NKAIN3: variants seen among roughly 807,000 people sequenced by gnomAD.
NKAIN3 encodes sodium/potassium-transporting ATPase subunit beta-1-interacting protein 3.
Under a neutral mutation model 30.2 loss-of-function variants are expected in NKAIN3, and 25 were observed. That is an observed-to-expected ratio of 0.83 (90% CI 0.60 to 1.16). The LOEUF (loss-of-function observed/expected upper bound fraction) is 1.16. Ranked by LOEUF, NKAIN3 falls within the 50% of genes most tolerant of loss-of-function variation. The pLI, the probability that NKAIN3 is intolerant of heterozygous loss-of-function variation, is 0.00. For missense variants in NKAIN3, 225 were observed against 254.1 expected (o/e 0.89, Z 0.78); for synonymous variants, 91 against 89.6 (o/e 1.02, Z -0.09).
chr8:62,334,552 C>G (rs1815469467), intron 1 of NKAIN3, among the ~76,000 whole-genome samples: 1 of 152,100 alleles, frequency 6.6e-6, no homozygotes, highest in Non-Finnish European at 1.5e-5. Context: ...CATACGTTTC[C>G]TAACTCAATG....
At chr8:62,525,892 A>G (rs1808291272) in intron 1 of NKAIN3, among the ~76,000 whole-genome samples, 1 of 152,220 alleles carries the variant, frequency 6.6e-6, no homozygotes, top group Non-Finnish European at 1.5e-5. Flanking sequence ...GCTATTTTAT[A>G]GAACCATGAT....
intron 1 of NKAIN3, among the ~76,000 whole-genome samples, chr8:62,538,779 A>G (rs778024367): frequency 9.9e-5 from 15 of 152,268 alleles, no homozygotes; most frequent in Non-Finnish European, 1.9e-4. Flanking sequence ...CTTTTTCCAC[A>G]ACGAGTTTTT....
At position 62,968,163 on chromosome 8, in the gene NKAIN3, T is replaced by C. The variant is rs76850106; in HGVS notation, c.*2756T>C. Among the ~76,000 whole-genome samples the C allele has an allele frequency of 0.017, 2,617 of 152,304 alleles. 78 individuals carry two copies. The highest frequency in any genetic ancestry group is 0.06 in the African/African-American group (2,494 of 41,566). ...TGATCTGCCACCTCCTCTTCTCTCT[T>C]TTCTTCTCCCTGCCTTTCATCTTCC... is the stretch of plus-strand genomic sequence containing the variant. On this transcript the variant is annotated 3_prime_UTR_variant, in exon 7 of 7. Coordinates refer to ENST00000623646, the MANE Select transcript of NKAIN3 (RefSeq NM_001304533.3).
At chr8:62,708,506 G>T (rs1814609556) in intron 3 of NKAIN3, among the ~76,000 whole-genome samples, 1 of 152,070 alleles carries the variant, frequency 6.6e-6, no homozygotes, top group South Asian at 2.1e-4. Flanking sequence ...TTGACTTCTT[G>T]ATTTGAGTCT....
chr8:62,534,536 C>T (rs1188200868), intron 1 of NKAIN3, among the ~76,000 whole-genome samples: 4 of 152,156 alleles, frequency 2.6e-5, no homozygotes, highest in Admixed American at 2.6e-4. Flanking sequence ...CACCTGTGAA[C>T]TGTAAAACGC....
intron 3 of NKAIN3, among the ~76,000 whole-genome samples, chr8:62,710,180 A>C (rs1814669277): frequency 6.6e-6 from 1 of 152,086 alleles, no homozygotes. Flanking sequence ...GTGCTGTTGA[A>C]TGGAATGTGT....
At chr8:62,337,922 A>G (rs572269319) in intron 1 of NKAIN3, among the ~76,000 whole-genome samples, 4 of 152,220 alleles carry the variant, frequency 2.6e-5, no homozygotes, top group Non-Finnish European at 2.9e-5. Flanking sequence ...CTGTTGCACA[A>G]TAAGTTATTG....
intron 3 of NKAIN3, among the ~76,000 whole-genome samples, chr8:62,685,296 A>G (rs1813763840): frequency 6.6e-6 from 1 of 152,180 alleles, no homozygotes. Flanking sequence ...ATTGGTCTCT[A>G]TTATTATGTC....
intron 4 of NKAIN3, chr8:62,863,121 A>G: frequency 7.1e-7 from 1 of 1,412,182 alleles, no homozygotes; most frequent in Non-Finnish European, 9.9e-7. Context: ...GCTCATTGGA[A>G]GGTGCAGCTG....
At chr8:62,555,705 A>G (rs554590325) in intron 1 of NKAIN3, among the ~76,000 whole-genome samples, 132 of 152,226 alleles carry the variant, frequency 8.7e-4, no homozygotes, top group African/African-American at 3.0e-3. Flanking sequence ...AATGAAAAGC[A>G]ACAATCATCA....
At chr8:62,715,062 C>T (rs1481953386) in intron 3 of NKAIN3, among the ~76,000 whole-genome samples, 1 of 152,024 alleles carries the variant, frequency 6.6e-6, no homozygotes, top group Non-Finnish European at 1.5e-5. Flanking sequence ...AATGGGGAAG[C>T]AGGTACATTA....
intron 4 of NKAIN3, among the ~76,000 whole-genome samples, chr8:62,803,889 A>T (rs1165950450): frequency 1.3e-5 from 2 of 152,122 alleles, no homozygotes; most frequent in Non-Finnish European, 2.9e-5. Context: ...AGAAGAAAAG[A>T]AAGAAGAATC....
chr8:62,584,857 A>G (rs1810421235), intron 2 of NKAIN3, among the ~76,000 whole-genome samples: 2 of 152,192 alleles, frequency 1.3e-5, no homozygotes, highest in Non-Finnish European at 1.5e-5. Context: ...TTGCTTCGCT[A>G]CCTGTCTTGC....
At chr8:62,665,968 C>A (rs1395367402) in intron 3 of NKAIN3, among the ~76,000 whole-genome samples, 1 of 152,120 alleles carries the variant, frequency 6.6e-6, no homozygotes, top group Admixed American at 6.5e-5. Flanking sequence ...GTAATCCCAC[C>A]AGTTTGGGAG....
intron 1 of NKAIN3, among the ~76,000 whole-genome samples, chr8:62,342,132 C>T (rs1815765269): frequency 6.7e-6 from 1 of 150,156 alleles, no homozygotes; most frequent in Admixed American, 6.7e-5. Context: ...AAAAATGTTT[C>T]CAATATTTGT....
chr8:62,998,565 G>A (rs554141119), intron 5 of NKAIN3, among the ~76,000 whole-genome samples: 11 of 152,232 alleles, frequency 7.2e-5, no homozygotes, highest in Middle Eastern at 3.4e-3. Flanking sequence ...GTGAGTCACC[G>A]CTCCTGGCTG....
At chr8:62,497,156 C>A (rs1229913083) in intron 1 of NKAIN3, among the ~76,000 whole-genome samples, 2 of 151,688 alleles carry the variant, frequency 1.3e-5, no homozygotes, top group African/African-American at 4.8e-5. Flanking sequence ...CTTAGCTTGA[C>A]AAATTTAAAA....
At chr8:62,291,776 A>G (rs1223403083) in intron 1 of NKAIN3, among the ~76,000 whole-genome samples, 1 of 152,100 alleles carries the variant, frequency 6.6e-6, no homozygotes, top group Non-Finnish European at 1.5e-5. Flanking sequence ...AGCTGAGTTC[A>G]ATTCCTGGAT....
intron 5 of NKAIN3, among the ~76,000 whole-genome samples, chr8:62,925,915 G>A (rs1455573): frequency 0.12 from 18,732 of 151,990 alleles, 1,407 homozygotes; most frequent in East Asian, 0.31. Context: ...ATGCCTGCCC[G>A]CTCAGAAGGA....
Sources: gnomAD v4.1 joint callset for allele counts (sites outside exome capture counted in the v4.1 genomes callset) on GRCh38, gnomAD v4.1.1 for gene constraint, MANE v1.5 for transcripts, NCBI Gene and HGNC (gene_info 2026-07-23, HGNC 2026-07-21) for gene names.